The following OR2L13 variants were observed in gnomAD, a reference collection of about 807,000 sequenced individuals.
OR2L13 encodes olfactory receptor family 2 subfamily L member 13.
Under a neutral mutation model 15.3 loss-of-function variants are expected in OR2L13, and 14 were observed. The observed-to-expected ratio is 0.91, with a 90% CI of 0.60 to 1.43. The LOEUF is 1.43. Among genes scored for constraint, OR2L13 ranks in the 40% most tolerant of loss-of-function variants. The pLI, the probability that OR2L13 is intolerant of heterozygous loss-of-function variation, is 0.00. For synonymous variants in OR2L13, 152 were observed against 142.9 expected, an observed-to-expected ratio of 1.06 and a Z score of -0.45; for missense variants, 367 against 387.9, an observed-to-expected ratio of 0.95 and a Z score of 0.45.
chr1:248,092,011 G>A (rs751826354), upstream of OR2L13, among the ~76,000 whole-genome samples: 4 of 151,860 alleles, frequency 2.6e-5, no homozygotes, highest in African/African-American at 7.2e-5. Context: ...TTTCACCACC[G>A]TCATTAGCTG....
chr1:247,962,392 GAGA>G, the OR2L13 span, among the ~76,000 whole-genome samples: 3 of 152,068 alleles, frequency 2.0e-5, no homozygotes, highest in Admixed American at 6.6e-5. Flanking sequence ...TTGACTCCAG[GAGA>G]AGGAGAAGGG....
chr1:248,080,489 C>T, the OR2L13 span, among the ~76,000 whole-genome samples: 4 of 152,184 alleles, frequency 2.6e-5, no homozygotes, highest in African/African-American at 9.7e-5. Context: ...CATGTGTCCT[C>T]ATTCTTCAAC....
the OR2L13 span, among the ~76,000 whole-genome samples, chr1:247,951,975 G>C: frequency 1.3e-5 from 2 of 150,052 alleles, no homozygotes; most frequent in Non-Finnish European, 3.0e-5. Flanking sequence ...GTGTGTGTTT[G>C]TGTGTGTGTG....
At chr1:248,090,054 A>C in the OR2L13 span, among the ~76,000 whole-genome samples, 5 of 152,156 alleles carry the variant, frequency 3.3e-5, no homozygotes, top group Non-Finnish European at 5.9e-5. Context: ...ACTTACCTGT[A>C]GCCATCCATC....
chr1:248,076,795 C>T, the OR2L13 span, among the ~76,000 whole-genome samples: 84 of 152,304 alleles, frequency 5.5e-4, no homozygotes, highest in African/African-American at 1.9e-3. Context: ...CAAACAGGGA[C>T]AATTTGACAT....
At chr1:248,020,241 G>A in the OR2L13 span, among the ~76,000 whole-genome samples, 9 of 152,244 alleles carry the variant, frequency 5.9e-5, no homozygotes, top group East Asian at 1.7e-3. Context: ...TCAGACAAGA[G>A]AAAGAAATAA....
At chr1:248,021,812 T>C in the OR2L13 span, 1 of 625,970 alleles carries the variant, frequency 1.6e-6, no homozygotes, top group East Asian at 2.7e-5. Context: ...AAAAATAGTG[T>C]ATATAGGGTT....
the OR2L13 span, chr1:248,023,467 G>T: frequency 6.6e-6 from 1 of 152,188 alleles, no homozygotes; most frequent in Non-Finnish European, 1.5e-5. Flanking sequence ...TTAGACTACA[G>T]TTGACTTAGA....
the OR2L13 span, among the ~76,000 whole-genome samples, chr1:248,008,960 G>A: frequency 6.6e-6 from 1 of 152,132 alleles, no homozygotes; most frequent in Non-Finnish European, 1.5e-5. Context: ...TGAAATTAAA[G>A]CAGAAATAAA....
the OR2L13 span, among the ~76,000 whole-genome samples, chr1:248,005,772 A>G: frequency 6.6e-6 from 1 of 152,222 alleles, no homozygotes; most frequent in African/African-American, 2.4e-5. Context: ...ACAGTAAAGT[A>G]TTACGGTAAA....
chr1:247,955,220 T>C, the OR2L13 span, among the ~76,000 whole-genome samples: 6 of 152,080 alleles, frequency 3.9e-5, no homozygotes, highest in African/African-American at 1.4e-4. Context: ...GTCCTTGAGA[T>C]AGTTTGCTGA....
the OR2L13 span, among the ~76,000 whole-genome samples, chr1:247,970,347 A>C: frequency 6.6e-6 from 1 of 152,056 alleles, no homozygotes; most frequent in African/African-American, 2.4e-5. Context: ...ATAATAATTA[A>C]AAACAAACAA....
chr1:248,060,611 C>A, the OR2L13 span: 2 of 1,249,572 alleles, frequency 1.6e-6, no homozygotes, highest in Non-Finnish European at 2.3e-6. Flanking sequence ...GCATTCCCTG[C>A]AGATAAAGAC....
chr1:248,061,069 C>A, the OR2L13 span: 1 of 1,614,110 alleles, frequency 6.2e-7, no homozygotes, highest in Non-Finnish European at 8.5e-7. Context: ...CTTTCCTCTT[C>A]ACTATCCCAT....
chr1:248,082,018 T>C, the OR2L13 span, among the ~76,000 whole-genome samples: 1 of 152,032 alleles, frequency 6.6e-6, no homozygotes, highest in Non-Finnish European at 1.5e-5. Flanking sequence ...AAATAAATCA[T>C]GCTGCTATAA....
the OR2L13 span, among the ~76,000 whole-genome samples, chr1:247,952,838 G>T: frequency 2.0e-5 from 3 of 152,136 alleles, no homozygotes; most frequent in East Asian, 5.8e-4. Context: ...GATTTTCTCT[G>T]ACATACCATG....
At chr1:248,015,545 T>A in the OR2L13 span, among the ~76,000 whole-genome samples, 7 of 152,166 alleles carry the variant, frequency 4.6e-5, no homozygotes, top group African/African-American at 1.7e-4. Context: ...GTCACCTGTT[T>A]TACCATTTCC....
At chr1:247,959,129 T>G in the OR2L13 span, among the ~76,000 whole-genome samples, 5 of 152,108 alleles carry the variant, frequency 3.3e-5, no homozygotes, top group African/African-American at 1.2e-4. Context: ...CTCTTTTAGG[T>G]CAGGCCTGGT....
the OR2L13 span, among the ~76,000 whole-genome samples, chr1:248,001,672 T>C: frequency 1.3e-5 from 2 of 152,010 alleles, no homozygotes. Context: ...ACATCATGGC[T>C]GAGGCTGCTT....
Sources: allele counts gnomAD v4.1 joint callset (sites outside exome capture counted in the v4.1 genomes callset), GRCh38; gene constraint gnomAD v4.1.1; transcripts MANE v1.5; gene names NCBI Gene and HGNC (gene_info 2026-07-23, HGNC 2026-07-21).